C1QTNF3: variants seen among roughly 807,000 people sequenced by gnomAD.
C1QTNF3 encodes complement C1q tumor necrosis factor-related protein 3.
In C1QTNF3, 26 loss-of-function variants were observed where a neutral mutation model predicts 32.6. The observed-to-expected ratio is 0.80, with a 90% CI of 0.58 to 1.11. The LOEUF is 1.11. Ranked by LOEUF, C1QTNF3 falls within the 50% of genes least tolerant of loss-of-function variation. The pLI is 0.00. For synonymous variants in C1QTNF3, 155 were observed against 146.0 expected (o/e 1.06, Z -0.44); for missense variants, 362 against 398.2 (o/e 0.91, Z 0.77).
At chr5:34,114,516 T>C in the C1QTNF3 span, among the ~76,000 whole-genome samples, 1 of 152,190 alleles carries the variant, frequency 6.6e-6, no homozygotes, top group Non-Finnish European at 1.5e-5. Flanking sequence ...TTTAAATTTT[T>C]CTGGGACTTA....
chr5:34,108,448 A>G, the C1QTNF3 span, among the ~76,000 whole-genome samples: 1 of 152,166 alleles, frequency 6.6e-6, no homozygotes, highest in Admixed American at 6.6e-5. Context: ...CCAGAATAGC[A>G]TGGTTCTTAA....
chr5:34,145,678 C>CAAAAAAAAAAAA, the C1QTNF3 span, among the ~76,000 whole-genome samples: 4 of 96,906 alleles, frequency 4.1e-5, no homozygotes, highest in Admixed American at 1.1e-4. Context: ...AGAGACACAG[C>CAAAAAAAAAAAA]AAAAAAAAAA....
chr5:34,100,632 AT>A, the C1QTNF3 span, among the ~76,000 whole-genome samples: 10 of 149,260 alleles, frequency 6.7e-5, no homozygotes, highest in Admixed American at 5.4e-4. Context: ...ATGTTAATCT[AT>A]TATGTTACTA....
the C1QTNF3 span, among the ~76,000 whole-genome samples, chr5:34,081,566 T>C: frequency 1.2e-4 from 18 of 151,640 alleles, no homozygotes; most frequent in Middle Eastern, 3.4e-3. Flanking sequence ...ATAAAAAATG[T>C]AGGTGATCGC....
chr5:34,240,816 A>C, the C1QTNF3 span, among the ~76,000 whole-genome samples: 1 of 152,194 alleles, frequency 6.6e-6, no homozygotes, highest in African/African-American at 2.4e-5. Context: ...AGACGCAAAA[A>C]AAAAGAACAT....
In C1QTNF3 at chr5:34,020,307, G is replaced by A. The variant is rs1162581277; in HGVS notation, c.*276C>T. 3.2e-6 allele frequency: 1 copy of A among 313,544 alleles called. No individual in the cohort carries two copies. The highest frequency in any genetic ancestry group is 5.5e-5 in the East Asian group (1 of 18,030). The allele number at this position is 313,544 out of a possible 1,614,324, so 19.4% of individuals were successfully genotyped here. ...TGATAGAAAAAAATATTTCCAACCT[G>A]CGTCAGAGGAGAATTATCTTTTAGG... On this transcript the variant is annotated 3_prime_UTR_variant, in exon 6 of 6. Coordinates refer to ENST00000382065, the MANE Select transcript of C1QTNF3 (RefSeq NM_181435.6).
chr5:34,072,566 A>T, the C1QTNF3 span, among the ~76,000 whole-genome samples: 3 of 152,236 alleles, frequency 2.0e-5, no homozygotes, highest in Non-Finnish European at 4.4e-5. Flanking sequence ...CACCAGACAT[A>T]TGCTGAGAAG....
chr5:34,082,943 T>C, the C1QTNF3 span, among the ~76,000 whole-genome samples: 2 of 151,892 alleles, frequency 1.3e-5, no homozygotes, highest in African/African-American at 2.4e-5. Context: ...GTGAATATAA[T>C]ACTATTGTAC....
chr5:34,029,595 T>C (rs1754561077), intron 3 of C1QTNF3, among the ~76,000 whole-genome samples: 1 of 152,248 alleles, frequency 6.6e-6, no homozygotes, highest in African/African-American at 2.4e-5. Context: ...TACCAGCCTT[T>C]ATTAACTGTG....
chr5:34,200,921 C>A, the C1QTNF3 span: 2 of 151,948 alleles, frequency 1.3e-5, no homozygotes, highest in Admixed American at 1.3e-4. Flanking sequence ...AACACTTCAT[C>A]CTACAGCCAA....
At chr5:34,115,891 C>CA in the C1QTNF3 span, among the ~76,000 whole-genome samples, 1 of 152,096 alleles carries the variant, frequency 6.6e-6, no homozygotes, top group African/African-American at 2.4e-5. Flanking sequence ...AAACTCTCTG[C>CA]AGTAAATCTT....
At chr5:34,138,200 C>T in the C1QTNF3 span, among the ~76,000 whole-genome samples, 1 of 152,146 alleles carries the variant, frequency 6.6e-6, no homozygotes, top group Non-Finnish European at 1.5e-5. Flanking sequence ...TTAAGCCATC[C>T]AGTCTCTTGT....
chr5:34,084,579 A>G, the C1QTNF3 span, among the ~76,000 whole-genome samples: 1,615 of 150,822 alleles, frequency 0.011, 17 homozygotes, highest in South Asian at 0.026. Flanking sequence ...GCATATTTGG[A>G]TACTACATGA....
chr5:34,154,788 A>G, the C1QTNF3 span, among the ~76,000 whole-genome samples: 1 of 152,146 alleles, frequency 6.6e-6, no homozygotes, highest in Non-Finnish European at 1.5e-5. Context: ...ATCTCTGGGC[A>G]TGAACAATCT....
the C1QTNF3 span, among the ~76,000 whole-genome samples, chr5:34,103,019 A>G: frequency 6.6e-6 from 1 of 152,124 alleles, no homozygotes; most frequent in Admixed American, 6.5e-5. Context: ...TACTCTCTCA[A>G]TGTTCTCTGG....
the C1QTNF3 span, among the ~76,000 whole-genome samples, chr5:34,210,559 AAAC>A: frequency 2.0e-5 from 3 of 151,902 alleles, no homozygotes; most frequent in Non-Finnish European, 4.4e-5. Flanking sequence ...ATTGGAGTTA[AAAC>A]AACAAAGCTA....
the C1QTNF3 span, among the ~76,000 whole-genome samples, chr5:34,139,086 G>T: frequency 6.6e-6 from 1 of 151,946 alleles, no homozygotes; most frequent in South Asian, 2.1e-4. Context: ...ATCTAAGTAT[G>T]TTTGTATATA....
chr5:34,091,475 C>T, the C1QTNF3 span, among the ~76,000 whole-genome samples: 1 of 152,142 alleles, frequency 6.6e-6, no homozygotes, highest in Non-Finnish European at 1.5e-5. Flanking sequence ...TTGTTTTTTA[C>T]TATTTATAAC....
the C1QTNF3 span, among the ~76,000 whole-genome samples, chr5:34,188,373 G>A: frequency 0.55 from 80,706 of 147,954 alleles, 23,661 homozygotes; most frequent in Non-Finnish European, 0.67. Flanking sequence ...TCCAGACCCC[G>A]GAATGGTAGA....
Sources: allele counts gnomAD v4.1 joint callset (sites outside exome capture counted in the v4.1 genomes callset), GRCh38; gene constraint gnomAD v4.1.1; transcripts MANE v1.5; gene names NCBI Gene and HGNC (gene_info 2026-07-23, HGNC 2026-07-21).